SH3BP5: variants seen among roughly 807,000 people sequenced by gnomAD.
SH3BP5 encodes the protein SH3 domain-binding protein 5.
Under a neutral mutation model 43.3 loss-of-function variants are expected in SH3BP5, and 22 were observed. That is an observed-to-expected ratio of 0.51 (90% CI 0.36 to 0.73). SH3BP5 has a LOEUF of 0.73. SH3BP5 is among the 30% of genes least tolerant of loss of function. SH3BP5 has a pLI of 0.00. For missense variants in SH3BP5, 529 were observed against 586.9 expected, an observed-to-expected ratio of 0.90 and a Z score of 1.02; for synonymous variants, 255 against 225.8, an observed-to-expected ratio of 1.13 and a Z score of -1.16.
intron 2 of SH3BP5, among the ~76,000 whole-genome samples, chr3:15,306,313 C>G (rs1013425074): frequency 6.6e-6 from 1 of 152,082 alleles, no homozygotes; most frequent in Admixed American, 6.5e-5. Flanking sequence ...GAGCTAAGAT[C>G]GCGCCACTGC....
chr3:15,300,275 G>A (rs2125106553), intron 3 of SH3BP5, among the ~76,000 whole-genome samples: 1 of 152,248 alleles, frequency 6.6e-6, no homozygotes, highest in Middle Eastern at 3.4e-3. Flanking sequence ...CTCATGCTGG[G>A]ATTCCATTGT....
At position 15,269,826 on chromosome 3, in the gene SH3BP5, C is replaced by T. The variant is rs1696749611; in HGVS notation, c.382G>A (p.Val128Met). Residue 128 changes from valine (V) to methionine (M), a missense_variant, in exon 4 of 9, where the codon GTG (valine) becomes ATG (methionine). Val to Met is a conservative substitution (Grantham distance 21). Around this residue, in one of 3 missense-constraint regions of SH3BP5, gnomAD observed 85 missense variants for 140.8 expected, o/e 0.60. Coordinates refer to ENST00000383791, the MANE Select transcript of SH3BP5 (RefSeq NM_004844.5). ...ATGGTCTCCTTGGCGGCACGGAGCA[C>T]CTCTGTGGCCCTCTGGAAGTCCTGC... ...ATQDFQRATE[V>M]LRAAKETISL... 6.3e-7 allele frequency: 1 copy of T among 1,593,736 alleles called. No homozygotes were observed. Among genetic ancestry groups the T allele is most frequent in the African/African-American group, 1.3e-5 (1 of 74,316 alleles).
chr3:15,282,728 T>A (rs1404565412), intron 3 of SH3BP5, among the ~76,000 whole-genome samples: 2 of 151,216 alleles, frequency 1.3e-5, no homozygotes, highest in African/African-American at 4.9e-5. Flanking sequence ...CTTTTAAAGG[T>A]TCTTACCTGT....
chr3:15,293,444 C>T (rs1697469741), intron 3 of SH3BP5, among the ~76,000 whole-genome samples: 1 of 152,238 alleles, frequency 6.6e-6, no homozygotes, highest in Non-Finnish European at 1.5e-5. Context: ...AGGAACAGGG[C>T]ACCATGAGGG....
At chr3:15,304,914 A>T (rs951649413) in intron 2 of SH3BP5, among the ~76,000 whole-genome samples, 1 of 151,402 alleles carries the variant, frequency 6.6e-6, no homozygotes, top group African/African-American at 2.4e-5. Flanking sequence ...TGGGGGAGAT[A>T]TCGGTAGGAT....
At chr3:15,312,449 G>T (rs931746557) in intron 2 of SH3BP5, among the ~76,000 whole-genome samples, 10 of 152,046 alleles carry the variant, frequency 6.6e-5, no homozygotes, top group Non-Finnish European at 1.3e-4. Flanking sequence ...CAAAAACAAA[G>T]CTCTCTGGGG....
At chr3:15,335,917 T>A (rs1698695881), upstream of SH3BP5, among the ~76,000 whole-genome samples, 1 of 152,216 alleles carries the variant, frequency 6.6e-6, no homozygotes, top group African/African-American at 2.4e-5. Context: ...AATGTTTTTA[T>A]TTTTCACAAG....
chr3:15,281,525 G>A (rs1697129056), intron 3 of SH3BP5, among the ~76,000 whole-genome samples: 1 of 152,100 alleles, frequency 6.6e-6, no homozygotes, highest in Non-Finnish European at 1.5e-5. Context: ...GAAGAACCAG[G>A]TGGCCAGTTG....
At position 15,319,075 on chromosome 3, in the gene SH3BP5, C is replaced by T. The variant is rs535211501; in HGVS notation, c.201+11429G>A. Reference sequence around the variant, plus strand: ...CCAAGGGGCTTTAGAACCCTACCACCCTGAATTACAAAGCAACAGTCTAAT... The same window carrying T: ...CCAAGGGGCTTTAGAACCCTACCACTCTGAATTACAAAGCAACAGTCTAAT... On this transcript the variant is annotated intron_variant, in intron 2 of 8. Transcript: ENST00000383791. Among the ~76,000 whole-genome samples, 14 of 152,304 alleles carry T rather than the reference C, an allele frequency of 9.2e-5. No individual in the cohort carries two copies. In the South Asian group the frequency reaches 2.9e-3, roughly 32 times the overall value.
chr3:15,278,515 G>T (rs1361868828), intron 3 of SH3BP5, among the ~76,000 whole-genome samples: 1 of 152,164 alleles, frequency 6.6e-6, no homozygotes, highest in Non-Finnish European at 1.5e-5. Flanking sequence ...CCTGAATGAT[G>T]CTTCATTGAA....
At chr3:15,268,371 C>T (rs567781969) in intron 4 of SH3BP5, among the ~76,000 whole-genome samples, 28 of 152,324 alleles carry the variant, frequency 1.8e-4, no homozygotes, top group Middle Eastern at 3.4e-3. Context: ...GTCCCCCAGA[C>T]GGCTTTCTCA....
chr3:15,302,020 T>C (rs148061443), intron 3 of SH3BP5, among the ~76,000 whole-genome samples: 5 of 152,260 alleles, frequency 3.3e-5, no homozygotes, highest in Admixed American at 3.3e-4. Context: ...TAAATCCCAG[T>C]GTTAAAGACT....
chr3:15,297,735 G>A (rs1697616236), intron 3 of SH3BP5, among the ~76,000 whole-genome samples: 1 of 151,932 alleles, frequency 6.6e-6, no homozygotes, highest in Non-Finnish European at 1.5e-5. Flanking sequence ...AGATACACGT[G>A]GCCTAGTCAC....
chr3:15,292,184 G>A (rs539276705), intron 3 of SH3BP5, among the ~76,000 whole-genome samples: 19 of 152,292 alleles, frequency 1.2e-4, no homozygotes, highest in Admixed American at 9.2e-4. Flanking sequence ...TTTACTGAAA[G>A]CAGAGTACAG....
intron 1 of SH3BP5, chr3:15,339,856 T>C (rs1344275922): frequency 7.2e-6 from 1 of 139,740 alleles, no homozygotes; most frequent in African/African-American, 2.8e-5. Flanking sequence ...CCATAAAAAA[T>C]TAAAAAAAAA....
intron 3 of SH3BP5, among the ~76,000 whole-genome samples, chr3:15,291,454 A>AT (rs1697410884): frequency 1.3e-5 from 2 of 152,274 alleles, no homozygotes; most frequent in East Asian, 1.9e-4. Flanking sequence ...CAGGTAAACA[A>AT]TTTTTTTAGC....
intron 1 of SH3BP5, 60 bp downstream of exon 1, chr3:15,332,211 C>T: frequency 6.5e-7 from 1 of 1,546,048 alleles, no homozygotes; most frequent in Non-Finnish European, 8.7e-7. Flanking sequence ...TACGCGTAGA[C>T]ACCGACCTCC....
chr3:15,333,211 TCAA>T (rs1180494483), upstream of SH3BP5: 1 of 985,300 alleles, frequency 1.0e-6, no homozygotes, highest in African/African-American at 1.7e-5. Flanking sequence ...CTGCCCACCA[TCAA>T]CAAGTAGGGA....
At position 15,258,887 on chromosome 3, in the gene SH3BP5, C is replaced by G. The variant is rs1225596044; in HGVS notation, c.833G>C (p.Ser278Thr). The change falls in exon 7 of 9, where the codon AGC becomes ACC. Residue 278 changes from serine (S) to threonine (T), a missense_variant. Ser to Thr is a moderately conservative substitution (Grantham distance 58, BLOSUM62 1). Coordinates refer to ENST00000383791, the MANE Select transcript of SH3BP5 (RefSeq NM_004844.5). ...PRGCGVGAEG[S>T]STSVEDLPGS... The stretch of plus-strand genomic sequence containing the variant: ...TGGCAGATCCTCCACAGATGTGCTG[C>G]TGCCCTCAGCACCAACACCGCATCC... 1 of 1,614,240 alleles carries G rather than the reference C, an allele frequency of 6.2e-7. No individual in the cohort carries two copies. The highest frequency in any genetic ancestry group is 8.5e-7 in the Non-Finnish European group (1 of 1,180,036).
Sources: allele counts gnomAD v4.1 joint callset (sites outside exome capture counted in the v4.1 genomes callset), GRCh38; gene constraint gnomAD v4.1.1; regional missense constraint gnomAD v4.1.1; transcripts MANE v1.5; gene names NCBI Gene and HGNC (gene_info 2026-07-23, HGNC 2026-07-21).